Variants in PDE1A observed in about 807,000 individuals in gnomAD.
PDE1A encodes the protein phosphodiesterase 1A.
A neutral mutation model predicts 61.7 loss-of-function variants in PDE1A; 35 were observed. The observed-to-expected ratio is 0.57, with a 90% CI of 0.43 to 0.75. The LOEUF is 0.75. PDE1A is among the 30% of genes least tolerant of loss of function. The probability of loss-of-function intolerance (pLI) is 0.00; values close to 1 mark genes in which losing one functional copy is unlikely to be tolerated. For missense variants in PDE1A, 597 were observed against 630.6 expected (o/e 0.95, Z 0.57); for synonymous variants, 232 against 213.2 (o/e 1.09, Z -0.77).
the PDE1A span, among the ~76,000 whole-genome samples, chr2:182,574,681 GT>G: frequency 2.0e-5 from 3 of 151,532 alleles, no homozygotes; most frequent in Admixed American, 6.6e-5. Flanking sequence ...CACAGTCTAC[GT>G]TTTTTTTGTT....
chr2:182,232,167 A>G (rs954941579), intron 4 of PDE1A, among the ~76,000 whole-genome samples: 1 of 152,126 alleles, frequency 6.6e-6, no homozygotes, highest in Non-Finnish European at 1.5e-5. Flanking sequence ...GCAGGCCAGT[A>G]GGGAAACTGG....
chr2:182,704,012 C>A, the PDE1A span, among the ~76,000 whole-genome samples: 1 of 150,452 alleles, frequency 6.6e-6, no homozygotes, highest in Non-Finnish European at 1.5e-5. Context: ...ACAAGCCTGG[C>A]CAACATGGTG....
At chr2:182,454,938 A>G (rs575686593) in intron 2 of PDE1A, among the ~76,000 whole-genome samples, 10,467 of 149,226 alleles carry the variant, frequency 0.07, 1,200 homozygotes, top group African/African-American at 0.24. Flanking sequence ...CTTCTGCACA[A>G]AAAAAGAAAC....
In PDE1A at chr2:182,446,119, T is replaced by C. The variant is rs529263433; in HGVS notation, c.101+76157A>G. 1.4e-3 allele frequency among the ~76,000 whole-genome samples: 218 copies of C among 152,232 alleles called. 2 individuals carry two copies. Among genetic ancestry groups the C allele is most frequent in the African/African-American group, 5.1e-3 (210 of 41,566 alleles). On this transcript the variant is annotated intron_variant, in intron 2 of 14. Coordinates refer to the PDE1A transcript ENST00000410103. Reference sequence around the variant, plus strand: ...CACCATCTCAGCTTTCATCATTATATTAAGATTTTAAATATAATAGCCAGA... The same window carrying C: ...CACCATCTCAGCTTTCATCATTATACTAAGATTTTAAATATAATAGCCAGA...
rs573002737 is a variant in PDE1A, at chr2:182,432,989, C to T, written c.101+89287G>A. Among the ~76,000 whole-genome samples, 169 of 152,144 alleles carry T rather than the reference C, an allele frequency of 1.1e-3. 3 individuals are homozygous for T. Among genetic ancestry groups the T allele is most frequent in the Admixed American group, 3.6e-3 (55 of 15,258 alleles). On this transcript the variant is annotated intron_variant, in intron 2 of 14. Coordinates refer to the PDE1A transcript ENST00000410103. ...TCAGCCTTCCTTGTTACTTCAATAT[C>T]CTCTAAGTCTCATCCACATCCTCCA... is the stretch of plus-strand genomic sequence containing the variant.
the PDE1A span, among the ~76,000 whole-genome samples, chr2:182,677,676 T>C: frequency 1.3e-5 from 2 of 152,058 alleles, no homozygotes; most frequent in African/African-American, 2.4e-5. Context: ...CACAGACACA[T>C]AGACCAATGG....
At chr2:182,587,155 C>T in the PDE1A span, among the ~76,000 whole-genome samples, 7 of 152,278 alleles carry the variant, frequency 4.6e-5, 1 homozygote, top group Middle Eastern at 0.01. Context: ...TATTGGGGCA[C>T]AGAGAACAGT....
At chr2:182,326,410 T>C (rs1302372243) in intron 1 of PDE1A, among the ~76,000 whole-genome samples, 2 of 152,216 alleles carry the variant, frequency 1.3e-5, no homozygotes, top group East Asian at 3.8e-4. Context: ...TTCTGGTATA[T>C]GTTACAACAT....
intron 7 of PDE1A, among the ~76,000 whole-genome samples, chr2:182,209,642 T>G (rs375306439): frequency 3.2e-4 from 49 of 152,004 alleles, no homozygotes; most frequent in African/African-American, 8.7e-4. Context: ...CCGCTTGCTG[T>G]TCTCATGATA....
chr2:182,627,242 AATATAAATAATATATTATTTAT>A, the PDE1A span, among the ~76,000 whole-genome samples: 7 of 52,918 alleles, frequency 1.3e-4, no homozygotes, highest in Non-Finnish European at 1.6e-4. Context: ...TTATATATAA[AATATAAATAATATATTATTTAT>A]ATATAAATAA....
At chr2:182,367,486 A>G (rs1474739538) in intron 1 of PDE1A, among the ~76,000 whole-genome samples, 3 of 152,076 alleles carry the variant, frequency 2.0e-5, no homozygotes, top group Non-Finnish European at 2.9e-5. Flanking sequence ...AAACACTCTA[A>G]TGAATTTTAA....
intron 10 of PDE1A, among the ~76,000 whole-genome samples, chr2:182,196,364 C>T (rs561255586): frequency 3.3e-5 from 5 of 151,936 alleles, no homozygotes; most frequent in Non-Finnish European, 5.9e-5. Flanking sequence ...TAATACAAAT[C>T]GTGATATTAT....
intron 1 of PDE1A, among the ~76,000 whole-genome samples, chr2:182,360,529 G>GTTT (rs200227796): frequency 2.3e-5 from 3 of 128,568 alleles, no homozygotes; most frequent in Admixed American, 7.7e-5. Flanking sequence ...GCAGTTTAGT[G>GTTT]TTTTTTTTTT....
chr2:182,470,733 C>G (rs1574737522), intron 2 of PDE1A, among the ~76,000 whole-genome samples: 1 of 151,744 alleles, frequency 6.6e-6, no homozygotes, highest in East Asian at 1.9e-4. Context: ...ACAGTATGCA[C>G]TGTTCATGGG....
the PDE1A span, among the ~76,000 whole-genome samples, chr2:182,640,393 A>T: frequency 6.6e-6 from 1 of 152,232 alleles, no homozygotes; most frequent in African/African-American, 2.4e-5. Context: ...TATTGAAATG[A>T]TACAACCCAT....
At chr2:182,354,239 C>T (rs537416590) in intron 1 of PDE1A, among the ~76,000 whole-genome samples, 57 of 152,252 alleles carry the variant, frequency 3.7e-4, no homozygotes, top group Middle Eastern at 6.8e-3. Flanking sequence ...CCATAATTCT[C>T]ATCAGAAACA....
the PDE1A span, among the ~76,000 whole-genome samples, chr2:182,681,942 G>A: frequency 5.1e-3 from 770 of 152,162 alleles, 11 homozygotes; most frequent in African/African-American, 0.018. Context: ...CACCATGCCC[G>A]GCCTACTCTT....
intron 2 of PDE1A, among the ~76,000 whole-genome samples, chr2:182,509,271 T>C (rs1689631702): frequency 6.6e-6 from 1 of 152,184 alleles, no homozygotes; most frequent in Non-Finnish European, 1.5e-5. Flanking sequence ...ATTGTTTAAA[T>C]AAATTAATTT....
chr2:182,711,712 C>T, the PDE1A span, among the ~76,000 whole-genome samples: 4 of 152,114 alleles, frequency 2.6e-5, no homozygotes, highest in Non-Finnish European at 4.4e-5. Flanking sequence ...AATAAGCATA[C>T]CCAAAGAATG....
Sources: gnomAD v4.1 joint callset for allele counts (sites outside exome capture counted in the v4.1 genomes callset) on GRCh38, gnomAD v4.1.1 for gene constraint, MANE v1.5 for transcripts, NCBI Gene and HGNC (gene_info 2026-07-23, HGNC 2026-07-21) for gene names.